The following WWOX variants were observed in gnomAD, a reference collection of about 807,000 sequenced individuals.
The protein encoded by WWOX is WW domain containing oxidoreductase, also known as WW domain-containing oxidoreductase.
WWOX carries 69 observed loss-of-function variants against 46.2 expected under a neutral mutation model. The observed-to-expected ratio is 1.49, with a 90% CI of 1.23 to 1.82. The LOEUF (loss-of-function observed/expected upper bound fraction) is 1.82. WWOX is among the 40% of genes most tolerant of loss of function. WWOX has a pLI of 0.00. For synonymous variants in WWOX, 359 were observed against 202.6 expected (o/e 1.77, Z -6.56); for missense variants, 919 against 542.6 (o/e 1.69, Z -6.89).
At chr16:78,804,497 C>T (rs1462578221) in intron 8 of WWOX, among the ~76,000 whole-genome samples, 1 of 152,090 alleles carries the variant, frequency 6.6e-6, no homozygotes, top group Non-Finnish European at 1.5e-5. Flanking sequence ...TGCAAACAAG[C>T]GCACATGCGA....
At chr16:78,941,392 A>C (rs1178264732) in intron 8 of WWOX, among the ~76,000 whole-genome samples, 2 of 152,180 alleles carry the variant, frequency 1.3e-5, no homozygotes, top group African/African-American at 4.8e-5. Context: ...ATTGCCAAAG[A>C]AAGCCCTGGA....
chr16:78,140,443 C>T (rs1449426982), intron 4 of WWOX, among the ~76,000 whole-genome samples: 1 of 152,056 alleles, frequency 6.6e-6, no homozygotes, highest in African/African-American at 2.4e-5. Context: ...TTATTGTTTC[C>T]AAGTTCTAGA....
chr16:78,114,936 T>C (rs1319546510), intron 3 of WWOX, 40 bp from the exon 4 acceptor site: 1 of 1,612,942 alleles, frequency 6.2e-7, no homozygotes, highest in East Asian at 2.2e-5. Flanking sequence ...TAAATGCCTG[T>C]GTTCATTGCT....
At chr16:79,098,601 C>G (rs58570674) in intron 8 of WWOX, among the ~76,000 whole-genome samples, 19,490 of 152,182 alleles carry the variant, frequency 0.13, 1,317 homozygotes, top group East Asian at 0.18. Context: ...ATCACCTTAG[C>G]GTTTTCTTTT....
intron 8 of WWOX, among the ~76,000 whole-genome samples, chr16:78,720,705 C>T (rs978390283): frequency 1.3e-5 from 2 of 152,012 alleles, no homozygotes; most frequent in Middle Eastern, 3.2e-3. Context: ...ATTCTGCAAG[C>T]GTGGTTTACA....
At chr16:78,201,033 C>T (rs1953930639) in intron 5 of WWOX, among the ~76,000 whole-genome samples, 1 of 152,154 alleles carries the variant, frequency 6.6e-6, no homozygotes. Flanking sequence ...GAACATAGAG[C>T]TGAAGAGAAT....
rs33981779 is a variant in WWOX, at chr16:78,817,172, C to CTTTTTTTTTTTTTTTTTTTTTTTT, written c.1056+384424_1056+384447dup. Among the ~76,000 whole-genome samples the CTTTTTTTTTTTTTTTTTTTTTTTT allele has an allele frequency of 5.8e-5, 3 of 51,582 alleles. 1 individual carries two copies. Among genetic ancestry groups the CTTTTTTTTTTTTTTTTTTTTTTTT allele is most frequent in the African/African-American group, 7.3e-5 (1 of 13,646 alleles). 33.8% of individuals were successfully genotyped at this position (51,582 alleles called of 152,430 possible). A position where few individuals can be genotyped will look rare whatever the true frequency, so the allele number is the denominator to read the frequency against. On this transcript the variant is annotated intron_variant, in intron 8 of 8. Coordinates refer to ENST00000566780, the MANE Select transcript of WWOX (RefSeq NM_016373.4). ...GTTTTTCTTAAACATTAGTGCTATT[C>CTTTTTTTTTTTTTTTTTTTTTTTT]TTTTTTTTTTTTTTTTTTTTTTTTT...
At chr16:78,323,588 G>A (rs2080539139) in intron 5 of WWOX, among the ~76,000 whole-genome samples, 1 of 152,144 alleles carries the variant, frequency 6.6e-6, no homozygotes. Flanking sequence ...CCACTGAGCT[G>A]TCCTCTAAGT....
chr16:79,033,317 TAGAG>T (rs560741261), intron 8 of WWOX, among the ~76,000 whole-genome samples: 14 of 148,520 alleles, frequency 9.4e-5, no homozygotes, highest in East Asian at 2.0e-4. Context: ...TATGTATGTA[TAGAG>T]AGTCTATTAT....
At chr16:78,632,468 A>G (rs972093578) in intron 8 of WWOX, among the ~76,000 whole-genome samples, 4 of 151,380 alleles carry the variant, frequency 2.6e-5, no homozygotes, top group Admixed American at 1.3e-4. Context: ...AGGCCAAGAA[A>G]GGGGTGGGAG....
At chr16:79,026,129 C>T (rs952763870) in intron 8 of WWOX, among the ~76,000 whole-genome samples, 1 of 151,648 alleles carries the variant, frequency 6.6e-6, no homozygotes, top group African/African-American at 2.4e-5. Flanking sequence ...ACACTAAGTG[C>T]ATCATGTTAA....
At chr16:79,106,547 A>C (rs2049310968) in intron 8 of WWOX, 1 of 148,046 alleles carries the variant, frequency 6.8e-6, no homozygotes. Flanking sequence ...ATTTTCAAGA[A>C]CTTCATGACC....
chr16:78,287,277 A>G (rs2079784795), intron 5 of WWOX, among the ~76,000 whole-genome samples: 1 of 152,140 alleles, frequency 6.6e-6, no homozygotes, highest in South Asian at 2.1e-4. Context: ...TAAATTTCTA[A>G]TTGCCTAAGC....
At chr16:78,114,652 C>T (rs567962633) in intron 3 of WWOX, among the ~76,000 whole-genome samples, 1 of 150,342 alleles carries the variant, frequency 6.7e-6, no homozygotes, top group East Asian at 1.9e-4. Flanking sequence ...CTTATAGCTA[C>T]ATTTACATGA....
At chr16:78,781,890 C>T (rs11862521) in intron 8 of WWOX, among the ~76,000 whole-genome samples, 6,672 of 152,208 alleles carry the variant, frequency 0.044, 516 homozygotes, top group African/African-American at 0.15. Context: ...TTGCTCCATG[C>T]AATGTTCACA....
chr16:78,669,936 G>T (rs2047420798), intron 8 of WWOX, among the ~76,000 whole-genome samples: 1 of 152,010 alleles, frequency 6.6e-6, no homozygotes, highest in African/African-American at 2.4e-5. Flanking sequence ...CTTATTAATA[G>T]AACAAGTCCT....
intron 8 of WWOX, among the ~76,000 whole-genome samples, chr16:79,111,747 C>G (rs1597385905): frequency 6.6e-6 from 1 of 152,144 alleles, no homozygotes; most frequent in Middle Eastern, 3.2e-3. Context: ...AGTATTTAGG[C>G]TCATCATATT....
At chr16:79,112,298 G>T (rs73576946) in intron 8 of WWOX, among the ~76,000 whole-genome samples, 62 of 152,104 alleles carry the variant, frequency 4.1e-4, no homozygotes, top group Non-Finnish European at 7.4e-4. Flanking sequence ...AAGTACATGA[G>T]GCACTCAGAT....
chr16:78,314,928 G>A (rs962201895), intron 5 of WWOX, among the ~76,000 whole-genome samples: 1 of 151,992 alleles, frequency 6.6e-6, no homozygotes, highest in Non-Finnish European at 1.5e-5. Context: ...CAGCTAGAAG[G>A]TCAGTTAACA....
Sources: allele counts gnomAD v4.1 joint callset (sites outside exome capture counted in the v4.1 genomes callset), GRCh38; gene constraint gnomAD v4.1.1; transcripts MANE v1.5; gene names NCBI Gene and HGNC (gene_info 2026-07-23, HGNC 2026-07-21).